NLK: variants seen among roughly 807,000 people sequenced by gnomAD.
NLK encodes the protein nemo like kinase.
NLK carries 11 observed loss-of-function variants against 59.0 expected under a neutral mutation model. The observed-to-expected ratio is 0.19, with a 90% CI of 0.12 to 0.31. The LOEUF (loss-of-function observed/expected upper bound fraction) is 0.31, where lower values mean the gene tolerates loss of function less well. Among genes scored for constraint, NLK ranks in the 10% least tolerant of loss-of-function variants. The pLI is 1.00. For synonymous variants in NLK, 235 were observed against 235.9 expected (o/e 1.00, Z 0.03); for missense variants, 410 against 661.1 (o/e 0.62, Z 4.16).
chr17:28,177,755 G>A (rs1409552505), intron 7 of NLK, among the ~76,000 whole-genome samples: 1 of 152,150 alleles, frequency 6.6e-6, no homozygotes, highest in Admixed American at 6.5e-5. Context: ...AAATTATAGT[G>A]GTTTAAGAAA....
intron 5 of NLK, among the ~76,000 whole-genome samples, chr17:28,165,927 G>A (rs1050228425): frequency 2.0e-5 from 3 of 152,134 alleles, no homozygotes; most frequent in Non-Finnish European, 2.9e-5. Context: ...AATATTATAT[G>A]TTATTTTGGC....
chr17:28,198,564 A>G (rs1471416482), downstream of NLK, among the ~76,000 whole-genome samples: 1 of 152,044 alleles, frequency 6.6e-6, no homozygotes, highest in East Asian at 1.9e-4. Flanking sequence ...ACCTCAAATG[A>G]TCCACCCACC....
At chr17:28,176,340 T>C (rs1163093953) in intron 7 of NLK, among the ~76,000 whole-genome samples, 1 of 152,248 alleles carries the variant, frequency 6.6e-6, no homozygotes, top group Admixed American at 6.5e-5. Flanking sequence ...AAACTAAGCT[T>C]CTTTCAAGTA....
chr17:28,155,247 A>G (rs1445349124), intron 3 of NLK, among the ~76,000 whole-genome samples: 4 of 152,130 alleles, frequency 2.6e-5, no homozygotes, highest in African/African-American at 7.2e-5. Flanking sequence ...CAACAGCAGA[A>G]AAGTTAAAAG....
At chr17:28,133,962 A>G (rs1906626828) in intron 3 of NLK, among the ~76,000 whole-genome samples, 1 of 152,294 alleles carries the variant, frequency 6.6e-6, no homozygotes, top group East Asian at 1.9e-4. Flanking sequence ...TTATATGGTA[A>G]TAGAATTGTC....
intron 5 of NLK, among the ~76,000 whole-genome samples, chr17:28,164,995 A>G (rs561758914): frequency 2.4e-4 from 36 of 152,024 alleles, no homozygotes; most frequent in Non-Finnish European, 3.7e-4. Flanking sequence ...ATGAAAACCT[A>G]TTTTTCATAT....
intron 3 of NLK, among the ~76,000 whole-genome samples, chr17:28,151,361 A>G (rs1453101332): frequency 1.3e-5 from 2 of 152,192 alleles, no homozygotes. Context: ...AAATTCAGGA[A>G]TTATTTTCCA....
intron 1 of NLK, among the ~76,000 whole-genome samples, chr17:28,111,861 C>CGTGTGTGTGTGTGT: frequency 1.3e-5 from 1 of 74,076 alleles, no homozygotes; most frequent in Admixed American, 1.5e-4. Context: ...AGGCTTATAC[C>CGTGTGTGTGTGTGT]GTGTGTGTGT....
At chr17:28,204,324 G>A in the NLK span, among the ~76,000 whole-genome samples, 2 of 152,192 alleles carry the variant, frequency 1.3e-5, no homozygotes, top group Non-Finnish European at 1.5e-5. Flanking sequence ...TGGGGCTTAT[G>A]TGTTGTGGAC....
In NLK at chr17:28,175,202, T is replaced by C. The variant is rs147713880; in HGVS notation, c.1149+2584T>C. Among the ~76,000 whole-genome samples the C allele has an allele frequency of 5.9e-3, 900 of 151,824 alleles. 6 individuals are homozygous for C. Among genetic ancestry groups the C allele is most frequent in the African/African-American group, 0.02 (847 of 41,362 alleles). Reference sequence around the variant, plus strand: ...GGCTCACACCTGTAATCCCAGCACTTTGGGAGGCGGAGGCAGGCGGATCAC... The same window carrying C: ...GGCTCACACCTGTAATCCCAGCACTCTGGGAGGCGGAGGCAGGCGGATCAC... On this transcript the variant is annotated intron_variant, in intron 7 of 10. Coordinates refer to ENST00000407008, the MANE Select transcript of NLK (RefSeq NM_016231.5).
At chr17:28,152,574 A>T (rs1907524286) in intron 3 of NLK, among the ~76,000 whole-genome samples, 1 of 152,152 alleles carries the variant, frequency 6.6e-6, no homozygotes, top group Non-Finnish European at 1.5e-5. Context: ...GCAAAAAAAA[A>T]GTCAGTAAAC....
At chr17:28,069,587 G>A (rs1306230240) in intron 1 of NLK, among the ~76,000 whole-genome samples, 4 of 152,152 alleles carry the variant, frequency 2.6e-5, no homozygotes, top group Non-Finnish European at 4.4e-5. Context: ...TGGGTGTGAA[G>A]TAGTATCTCA....
chr17:28,126,304 A>G (rs919968316), intron 2 of NLK, among the ~76,000 whole-genome samples: 2 of 152,182 alleles, frequency 1.3e-5, no homozygotes, highest in African/African-American at 4.8e-5. Context: ...CCTTGCACCT[A>G]CTAAATTGTA....
At chr17:28,176,891 G>T (rs188274355) in intron 7 of NLK, among the ~76,000 whole-genome samples, 90 of 152,178 alleles carry the variant, frequency 5.9e-4, no homozygotes, top group Non-Finnish European at 7.2e-4. Flanking sequence ...GGGCCCTTAA[G>T]CAATGCAGGG....
At chr17:28,047,715 A>G (rs1225312756) in intron 1 of NLK, among the ~76,000 whole-genome samples, 1 of 152,166 alleles carries the variant, frequency 6.6e-6, no homozygotes, top group Non-Finnish European at 1.5e-5. Flanking sequence ...TGCATGGTAG[A>G]GATTGTCTAG....
intron 1 of NLK, among the ~76,000 whole-genome samples, chr17:28,063,945 T>C (rs1597659923): frequency 6.6e-6 from 1 of 152,226 alleles, no homozygotes; most frequent in South Asian, 2.1e-4. Context: ...TTGAATAGTT[T>C]AAATAGCTGT....
intron 1 of NLK, among the ~76,000 whole-genome samples, chr17:28,121,495 C>CTTTTTTTTTTTTTTTTTTT (rs58647578): frequency 1.1e-4 from 8 of 72,290 alleles, no homozygotes; most frequent in African/African-American, 1.7e-4. Flanking sequence ...TCTTTCTTTT[C>CTTTTTTTTTTTTTTTTTTT]TTTTTTTTTT....
intron 3 of NLK, among the ~76,000 whole-genome samples, chr17:28,139,356 G>A (rs1429487563): frequency 6.6e-6 from 1 of 152,122 alleles, no homozygotes; most frequent in African/African-American, 2.4e-5. Context: ...AAATTCATTT[G>A]ATGATTTAAA....
chr17:28,044,563 CCTTT>C (rs1908988850), intron 1 of NLK, among the ~76,000 whole-genome samples: 2 of 152,166 alleles, frequency 1.3e-5, no homozygotes, highest in African/African-American at 4.8e-5. Flanking sequence ...GCAGCGTGGT[CCTTT>C]CTTCAAGGTG....
Sources: allele counts gnomAD v4.1 joint callset (sites outside exome capture counted in the v4.1 genomes callset), GRCh38; gene constraint gnomAD v4.1.1; transcripts MANE v1.5; gene names NCBI Gene and HGNC (gene_info 2026-07-23, HGNC 2026-07-21).